LRBA: variants seen among roughly 807,000 people sequenced by gnomAD.
The protein encoded by LRBA is lipopolysaccharide-responsive and beige-like anchor protein.
LRBA carries 176 observed loss-of-function variants against 330.0 expected under a neutral mutation model. The observed-to-expected ratio is 0.53, with a 90% CI of 0.47 to 0.60. LRBA has a LOEUF of 0.60. Among genes scored for constraint, LRBA ranks in the 20% least tolerant of loss-of-function variants. The pLI, the probability that LRBA is intolerant of heterozygous loss-of-function variation, is 0.00. For missense variants in LRBA, 3,259 were observed against 3,444.8 expected (o/e 0.95, Z 1.35); for synonymous variants, 1,230 against 1,193.0 (o/e 1.03, Z -0.64).
intron 37 of LRBA, among the ~76,000 whole-genome samples, chr4:150,658,202 C>T (rs1242187124): frequency 4.8e-5 from 7 of 147,042 alleles, no homozygotes; most frequent in Non-Finnish European, 9.1e-5. Flanking sequence ...GATTCCCCCC[C>T]TTCTTTTGAT....
intron 40 of LRBA, among the ~76,000 whole-genome samples, chr4:150,553,249 T>A (rs182458844): frequency 1.3e-5 from 2 of 151,612 alleles, no homozygotes; most frequent in Non-Finnish European, 2.9e-5. Flanking sequence ...TTCTCACTCA[T>A]AGGTGGGAAT....
At chr4:150,288,793 C>CTTTTT (rs1216797652) in intron 53 of LRBA, among the ~76,000 whole-genome samples, 2 of 104,050 alleles carry the variant, frequency 1.9e-5, no homozygotes, top group African/African-American at 3.5e-5. Context: ...TGTGATTGTT[C>CTTTTT]TTTTTTTTTT....
intron 37 of LRBA, among the ~76,000 whole-genome samples, chr4:150,637,475 C>T (rs1199801489): frequency 6.6e-6 from 1 of 152,168 alleles, no homozygotes; most frequent in Non-Finnish European, 1.5e-5. Context: ...TTGACAATCC[C>T]TCCTTGAGTA....
chr4:150,673,514 G>T (rs890817515), intron 37 of LRBA, among the ~76,000 whole-genome samples: 1 of 152,132 alleles, frequency 6.6e-6, no homozygotes, highest in Non-Finnish European at 1.5e-5. Context: ...AGGAAAAGTT[G>T]CAAGAACACT....
chr4:150,404,669 A>C lies in LRBA; in HGVS notation c.7194+10769T>G, dbSNP rs769253673. 1.8e-4 allele frequency among the ~76,000 whole-genome samples: 28 copies of C among 152,200 alleles called. 1 individual carries two copies. Among genetic ancestry groups the C allele is most frequent in the African/African-American group, 4.8e-5 (2 of 41,452 alleles). ...TCTATAGGGAAGAGTAACTACTATT[A>C]GACAATCCTTTTCAATTATATAGAT... is the stretch of plus-strand genomic sequence containing the variant. On this transcript the variant is annotated intron_variant, in intron 47 of 56. Transcript: ENST00000651943.
At chr4:150,372,404 G>T (rs1403949119) in intron 47 of LRBA, among the ~76,000 whole-genome samples, 1 of 151,840 alleles carries the variant, frequency 6.6e-6, no homozygotes, top group Non-Finnish European at 1.5e-5. Flanking sequence ...AAGCCCAGGA[G>T]TTCAAGACCA....
chr4:150,969,829 A>T (rs4696640), intron 2 of LRBA, among the ~76,000 whole-genome samples: 1 of 152,062 alleles, frequency 6.6e-6, no homozygotes, highest in Non-Finnish European at 1.5e-5. Flanking sequence ...TATTGTTGAG[A>T]TAACAAAGGA....
chr4:150,432,453 C>CTTTTTTTTTTT (rs35393002), intron 46 of LRBA, among the ~76,000 whole-genome samples: 9 of 98,426 alleles, frequency 9.1e-5, no homozygotes, highest in Admixed American at 1.5e-4. Context: ...TAAGTGTGTT[C>CTTTTTTTTTTT]TTTTTTTTTT....
At chr4:150,424,319 C>A (rs574841943) in intron 46 of LRBA, among the ~76,000 whole-genome samples, 1 of 152,264 alleles carries the variant, frequency 6.6e-6, no homozygotes, top group South Asian at 2.1e-4. Context: ...AATTTTACCA[C>A]AGGCTAATTG....
In LRBA at chr4:150,761,863, CA is replaced by C; in HGVS notation, c.5581-17del. On this transcript the variant is annotated splice_polypyrimidine_tract_variant and intron_variant, in intron 34 of 56. Coordinates refer to ENST00000651943, the MANE Select transcript of LRBA (RefSeq NM_001364905.1). ...TTTGCCACTCCTATAAAAAAAAAAG[CA>C]AAAATAGCTGAAGAAATGTCACTCA... 1 of 1,326,254 alleles carries C rather than the reference CA, an allele frequency of 7.5e-7. No homozygotes were observed. Among genetic ancestry groups the C allele is most frequent in the Non-Finnish European group, 1.0e-6 (1 of 963,834 alleles). 82.2% of individuals were successfully genotyped at this position (1,326,254 alleles called of 1,614,324 possible).
chr4:150,915,106 T>C (rs571328651), intron 8 of LRBA, among the ~76,000 whole-genome samples: 63 of 152,272 alleles, frequency 4.1e-4, no homozygotes, highest in African/African-American at 1.3e-3. Context: ...GTGTGGGTAG[T>C]GTACTTTATG....
At position 150,583,255 on chromosome 4, in the gene LRBA, G is replaced by A; in HGVS notation, c.6330+4793C>T. On this transcript the variant is annotated intron_variant, in intron 40 of 56. Transcript: ENST00000651943. This position sits in a 1 kb window ranked among gnomAD's most constrained non-coding sequence, Gnocchi z 9.8. ...GGTCATTTCGCCCACCGAATTTGAG[G>A]TGGTGCTCTACCTAAACCAGATGGG... is the stretch of plus-strand genomic sequence containing the variant. 6.2e-7 allele frequency: 1 copy of A among 1,614,250 alleles called. No homozygotes were observed. Among genetic ancestry groups the A allele is most frequent in the Non-Finnish European group, 8.5e-7 (1 of 1,180,050 alleles).
chr4:150,684,518 T>C (rs1783354494), intron 36 of LRBA, among the ~76,000 whole-genome samples: 1 of 152,184 alleles, frequency 6.6e-6, no homozygotes, highest in South Asian at 2.1e-4. Context: ...AGTACTGTCT[T>C]AGATATCATC....
chr4:150,707,974 T>A (rs1222791164), intron 36 of LRBA, among the ~76,000 whole-genome samples: 1 of 151,778 alleles, frequency 6.6e-6, no homozygotes, highest in African/African-American at 2.4e-5. Flanking sequence ...AAATTACCTA[T>A]GACATCAAGT....
At chr4:150,301,411 T>A (rs1312447952) in intron 53 of LRBA, among the ~76,000 whole-genome samples, 1 of 152,128 alleles carries the variant, frequency 6.6e-6, no homozygotes, top group Admixed American at 6.6e-5. Context: ...ATTTTTCATA[T>A]CCTATTTGCA....
Position 150,908,682 on chromosome 4 carries a change from G to C in LRBA, c.1337C>G (p.Ser446Ter). Residue 446 changes from serine (S) to a stop codon, truncating the protein, a stop_gained, in exon 10 of 57, where the codon TCA (serine) becomes TGA (stop). Transcript: ENST00000651943. LOFTEE classifies it high-confidence loss of function. ...TACCTGGAGCATGAGTGCATGTGGT[G>C]AATGAACAAAAATTGAAGGGTTGTC... ...PKDNPSIFVH[S>*]PHALMLQDVK... 1 of 1,613,710 alleles carries C rather than the reference G, an allele frequency of 6.2e-7. No individual in the cohort carries two copies. The highest frequency in any genetic ancestry group is 8.5e-7 in the Non-Finnish European group (1 of 1,179,718).
intron 4 of LRBA, among the ~76,000 whole-genome samples, chr4:150,926,823 A>G (rs1336126087): frequency 6.6e-6 from 1 of 152,230 alleles, no homozygotes; most frequent in Admixed American, 6.5e-5. Context: ...CTGTAATCCC[A>G]GCACTTTGGG....
At chr4:150,900,903 T>A (rs1264823645) in intron 13 of LRBA, among the ~76,000 whole-genome samples, 1 of 152,132 alleles carries the variant, frequency 6.6e-6, no homozygotes, top group Non-Finnish European at 1.5e-5. Context: ...AAAAAATACA[T>A]AAGAAGTTAT....
Position 150,694,462 on chromosome 4 carries a change from C to CAAAAAAAAAAAAAAAAAAAA in LRBA, c.5755-10746_5755-10745insTTTTTTTTTTTTTTTTTTTT, listed in dbSNP as rs58558446. Among the ~76,000 whole-genome samples the CAAAAAAAAAAAAAAAAAAAA allele has an allele frequency of 2.4e-3, 170 of 70,998 alleles. 30 individuals are homozygous for CAAAAAAAAAAAAAAAAAAAA. Among genetic ancestry groups the CAAAAAAAAAAAAAAAAAAAA allele is most frequent in the African/African-American group, 7.5e-3 (152 of 20,386 alleles). 46.6% of individuals were successfully genotyped at this position (70,998 alleles called of 152,430 possible). A position where few individuals can be genotyped will look rare whatever the true frequency, so the allele number is the denominator to read the frequency against. On this transcript the variant is annotated intron_variant, in intron 36 of 56. Transcript: ENST00000651943. ...CCTTACCTTAAAGTGTGATCTTTAA[C>CAAAAAAAAAAAAAAAAAAAA]AAAAAAAAAAAAAAGCTATCTACAG...
Sources: allele counts gnomAD v4.1 joint callset (sites outside exome capture counted in the v4.1 genomes callset), GRCh38; gene constraint gnomAD v4.1.1; non-coding constraint Gnocchi (gnomAD v3.1); transcripts MANE v1.5; gene names NCBI Gene and HGNC (gene_info 2026-07-23, HGNC 2026-07-21).